KHDRBS2: variants seen among roughly 807,000 people sequenced by gnomAD.
KHDRBS2 encodes KH RNA binding domain containing, signal transduction associated 2.
In KHDRBS2, 26 loss-of-function variants were observed where a neutral mutation model predicts 44.3. The ratio of observed to expected loss-of-function variants is 0.59; its 90% confidence interval spans 0.43 to 0.81. The LOEUF is 0.81. Ranked by LOEUF, KHDRBS2 falls within the 40% of genes least tolerant of loss-of-function variation. The probability of loss-of-function intolerance (pLI) is 0.00; values close to 1 mark genes in which losing one functional copy is unlikely to be tolerated. For missense variants in KHDRBS2, 476 were observed against 433.1 expected (o/e 1.10, Z -0.88); for synonymous variants, 194 against 151.1 (o/e 1.28, Z -2.08).
chr6:61,584,262 G>T, the KHDRBS2 span, among the ~76,000 whole-genome samples: 2 of 151,906 alleles, frequency 1.3e-5, no homozygotes, highest in Admixed American at 6.6e-5. Context: ...AAATAGAAGT[G>T]ATGAAAGTAT....
intron 2 of KHDRBS2, among the ~76,000 whole-genome samples, chr6:62,058,202 C>T (rs375721215): frequency 1.3e-5 from 2 of 151,788 alleles, no homozygotes; most frequent in Non-Finnish European, 2.9e-5. Flanking sequence ...ACTGTATCTG[C>T]TATGTGATGC....
the KHDRBS2 span, among the ~76,000 whole-genome samples, chr6:61,560,165 G>T: frequency 6.6e-6 from 1 of 152,072 alleles, no homozygotes; most frequent in Non-Finnish European, 1.5e-5. Flanking sequence ...TGAAAAGTTT[G>T]CTGTTAGACA....
intron 6 of KHDRBS2, among the ~76,000 whole-genome samples, chr6:61,875,670 C>T (rs896449013): frequency 6.6e-6 from 1 of 152,054 alleles, no homozygotes; most frequent in African/African-American, 2.4e-5. Flanking sequence ...ATGACTACAA[C>T]ACATGTCATT....
At chr6:62,223,240 G>A (rs879488358) in intron 1 of KHDRBS2, among the ~76,000 whole-genome samples, 21 of 152,244 alleles carry the variant, frequency 1.4e-4, no homozygotes, top group Non-Finnish European at 2.4e-4. Flanking sequence ...TCAACACCGC[G>A]TGGAGGCTGC....
the KHDRBS2 span, chr6:61,574,552 T>C: frequency 6.8e-5 from 36 of 530,268 alleles, no homozygotes; most frequent in Admixed American, 5.6e-4. Context: ...CAACATATGC[T>C]GAGACTTCAC....
intron 2 of KHDRBS2, among the ~76,000 whole-genome samples, chr6:62,101,255 A>G (rs879274816): frequency 9.9e-5 from 15 of 152,122 alleles, no homozygotes; most frequent in Non-Finnish European, 2.1e-4. Flanking sequence ...GCTATGGTCA[A>G]TCTCAGGTTA....
chr6:61,834,220 TAA>T (rs1355662369), intron 6 of KHDRBS2, among the ~76,000 whole-genome samples: 4 of 152,092 alleles, frequency 2.6e-5, no homozygotes, highest in African/African-American at 9.6e-5. Context: ...ATTAATCAAA[TAA>T]AGAGAGCTAT....
chr6:62,236,129 T>A (rs554511233), intron 1 of KHDRBS2, among the ~76,000 whole-genome samples: 1 of 152,198 alleles, frequency 6.6e-6, no homozygotes, highest in East Asian at 1.9e-4. Flanking sequence ...ACCATAAATA[T>A]ACCACATAAT....
intron 1 of KHDRBS2, among the ~76,000 whole-genome samples, chr6:62,217,964 G>C (rs1264032943): frequency 2.0e-5 from 3 of 151,770 alleles, no homozygotes; most frequent in African/African-American, 7.3e-5. Flanking sequence ...AGCAACAAAA[G>C]ACTAATGAAG....
chr6:62,076,278 T>C (rs1166255898), intron 2 of KHDRBS2, among the ~76,000 whole-genome samples: 1 of 152,000 alleles, frequency 6.6e-6, no homozygotes, highest in African/African-American at 2.4e-5. Context: ...CTATTGTGGA[T>C]TACACAAAAG....
chr6:61,868,094 C>A (rs1798046836), intron 6 of KHDRBS2, among the ~76,000 whole-genome samples: 1 of 151,962 alleles, frequency 6.6e-6, no homozygotes, highest in South Asian at 2.1e-4. Context: ...CACCCCGACC[C>A]CCAAGCACTC....
intron 2 of KHDRBS2, among the ~76,000 whole-genome samples, chr6:62,056,960 C>T (rs1790423933): frequency 6.6e-6 from 1 of 151,852 alleles, no homozygotes; most frequent in Non-Finnish European, 1.5e-5. Flanking sequence ...AAATTGAAAC[C>T]AAACTGTGAA....
chr6:61,589,685 G>A, the KHDRBS2 span, among the ~76,000 whole-genome samples: 3 of 152,134 alleles, frequency 2.0e-5, no homozygotes, highest in Non-Finnish European at 4.4e-5. Context: ...TCCCACCAGT[G>A]GATGATTTTC....
the KHDRBS2 span, among the ~76,000 whole-genome samples, chr6:61,576,755 T>A: frequency 6.6e-6 from 1 of 152,146 alleles, no homozygotes; most frequent in Non-Finnish European, 1.5e-5. Context: ...TACATCACGA[T>A]AGGGAACAAA....
At chr6:61,613,171 ATTTG>A in the KHDRBS2 span, among the ~76,000 whole-genome samples, 1 of 151,892 alleles carries the variant, frequency 6.6e-6, no homozygotes, top group Non-Finnish European at 1.5e-5. Flanking sequence ...CTTTTTACGT[ATTTG>A]TTTATTGTTT....
At chr6:62,090,449 T>G (rs143317683) in intron 2 of KHDRBS2, among the ~76,000 whole-genome samples, 2,172 of 152,264 alleles carry the variant, frequency 0.014, 18 homozygotes, top group Non-Finnish European at 0.019. Flanking sequence ...TAATTCAGTG[T>G]CAAAACAAAT....
intron 3 of KHDRBS2, among the ~76,000 whole-genome samples, chr6:62,026,771 T>C (rs1334336264): frequency 1.3e-5 from 2 of 152,068 alleles, no homozygotes; most frequent in Admixed American, 6.6e-5. Flanking sequence ...GTTCACATTA[T>C]CTTTTCTTAA....
chr6:62,136,633 A>C (rs1295520985), intron 2 of KHDRBS2, among the ~76,000 whole-genome samples: 2 of 152,182 alleles, frequency 1.3e-5, no homozygotes, highest in Non-Finnish European at 2.9e-5. Context: ...CTTCTATGAA[A>C]ATAACACAAG....
downstream of KHDRBS2, among the ~76,000 whole-genome samples, chr6:61,677,185 A>G (rs567906537): frequency 2.0e-5 from 3 of 151,982 alleles, no homozygotes; most frequent in South Asian, 4.1e-4. Flanking sequence ...AAATAATTAC[A>G]GTGAATAAAA....
Sources: gnomAD v4.1 joint callset for allele counts (sites outside exome capture counted in the v4.1 genomes callset) on GRCh38, gnomAD v4.1.1 for gene constraint, MANE v1.5 for transcripts, NCBI Gene and HGNC (gene_info 2026-07-23, HGNC 2026-07-21) for gene names.